The following TEX9 variants were observed in gnomAD, a reference collection of about 807,000 sequenced individuals.
TEX9 encodes testis-expressed protein 9.
Under a neutral mutation model 59.6 loss-of-function variants are expected in TEX9, and 74 were observed. The observed-to-expected ratio is 1.24, with a 90% CI of 1.03 to 1.51. The LOEUF (loss-of-function observed/expected upper bound fraction) is 1.51, where lower values mean the gene tolerates loss of function less well. Among genes scored for constraint, TEX9 ranks in the 40% most tolerant of loss-of-function variants. The pLI is 0.00. For synonymous variants in TEX9, 186 were observed against 152.2 expected, an observed-to-expected ratio of 1.22 and a Z score of -1.64; for missense variants, 522 against 447.8, an observed-to-expected ratio of 1.17 and a Z score of -1.49.
At chr15:56,254,025 G>A (rs1217410637) in intron 1 of TEX9, among the ~76,000 whole-genome samples, 7 of 152,138 alleles carry the variant, frequency 4.6e-5, no homozygotes, top group African/African-American at 1.7e-4. Flanking sequence ...ATTTAATGGT[G>A]TTTTGAAAGA....
At chr15:56,416,704 C>G (rs2049703483) in intron 10 of TEX9, among the ~76,000 whole-genome samples, 1 of 151,808 alleles carries the variant, frequency 6.6e-6, no homozygotes, top group African/African-American at 2.4e-5. Flanking sequence ...GTTTTGGTAT[C>G]AAGATGATGC....
intron 2 of TEX9, among the ~76,000 whole-genome samples, chr15:56,369,587 G>A (rs1358797665): frequency 5.9e-5 from 9 of 151,886 alleles, no homozygotes; most frequent in Non-Finnish European, 8.8e-5. Context: ...CACCTTCCTC[G>A]GCTTCCCAAA....
chr15:56,332,731 CA>C (rs565382882), intron 1 of TEX9, among the ~76,000 whole-genome samples: 65 of 149,326 alleles, frequency 4.4e-4, no homozygotes, highest in African/African-American at 1.5e-3. Context: ...ATCAAAAAAA[CA>C]AAAAATTGGT....
chr15:56,459,779 T>C, the TEX9 span, among the ~76,000 whole-genome samples: 2 of 150,876 alleles, frequency 1.3e-5, no homozygotes, highest in African/African-American at 4.9e-5. Flanking sequence ...TCATCTTAGG[T>C]TGGGAGTTGG....
At chr15:56,281,417 T>C (rs565380678) in intron 1 of TEX9, among the ~76,000 whole-genome samples, 1 of 152,238 alleles carries the variant, frequency 6.6e-6, no homozygotes, top group Non-Finnish European at 1.5e-5. Context: ...TCAGCCATGA[T>C]ATTAGATTCT....
chr15:56,383,237 G>T (rs2047813677), intron 3 of TEX9, among the ~76,000 whole-genome samples: 1 of 152,208 alleles, frequency 6.6e-6, no homozygotes, highest in Non-Finnish European at 1.5e-5. Context: ...TAAGTGCACA[G>T]ACTCTTCAGG....
Position 56,444,165 on chromosome 15 carries a change from A to C in TEX9, c.*30-1506A>C, listed in dbSNP as rs552461282. On this transcript the variant is annotated intron_variant, in intron 12 of 12. Coordinates refer to ENST00000352903, the Ensembl canonical transcript of TEX9. Reference sequence around the variant, plus strand: ...CTGTCTACCAAAAAAATTTATCAGAATACCTGTCCTCTGACATATGATATG... The same window carrying C: ...CTGTCTACCAAAAAAATTTATCAGACTACCTGTCCTCTGACATATGATATG... 2.0e-5 allele frequency among the ~76,000 whole-genome samples: 3 copies of C among 152,208 alleles called. No homozygotes were observed. In the East Asian group the frequency reaches 5.8e-4, roughly 29 times the overall value.
chr15:56,269,205 C>G (rs1307707575), intron 1 of TEX9, among the ~76,000 whole-genome samples: 2 of 151,942 alleles, frequency 1.3e-5, no homozygotes, highest in East Asian at 3.9e-4. Context: ...CTATTTGATT[C>G]TTCTCTCTTT....
At chr15:56,306,833 A>G (rs2045496027) in intron 1 of TEX9, among the ~76,000 whole-genome samples, 1 of 152,204 alleles carries the variant, frequency 6.6e-6, no homozygotes, top group African/African-American at 2.4e-5. Context: ...TATGCATTGC[A>G]TGCTTGTATC....
At chr15:56,342,208 C>T (rs1228983008) in intron 1 of TEX9, among the ~76,000 whole-genome samples, 2 of 152,064 alleles carry the variant, frequency 1.3e-5, no homozygotes, top group East Asian at 1.9e-4. Context: ...CTATGCCAGG[C>T]GCTCTCCTAA....
rs1373870900 is a variant in TEX9 at position 56,365,570 on chromosome 15, CT to C, written c.28-5del. 1 of 1,614,092 alleles carries C rather than the reference CT, an allele frequency of 6.2e-7. No individual in the cohort carries two copies. The highest frequency in any genetic ancestry group is 1.7e-5 in the Admixed American group (1 of 60,008). The stretch of plus-strand genomic sequence containing the variant: ...ACTTCGGGTCTGAAAGTCTGTGGCT[CT>C]TTTACAGAGAAGCAGCGTTCCAGGG... On this transcript the variant is annotated splice_polypyrimidine_tract_variant and splice_region_variant and intron_variant, in intron 1 of 12. Coordinates refer to ENST00000352903, the Ensembl canonical transcript of TEX9.
At chr15:56,391,217 A>ATATG in intron 6 of TEX9, 26 bp from the exon 7 acceptor site, 1 of 1,473,520 alleles carries the variant, frequency 6.8e-7, no homozygotes, top group Non-Finnish European at 9.1e-7. Context: ...ATATACATAC[A>ATATG]TATGTATTTA....
At chr15:56,305,210 G>A (rs1329644993) in intron 1 of TEX9, among the ~76,000 whole-genome samples, 2 of 151,908 alleles carry the variant, frequency 1.3e-5, no homozygotes, top group Non-Finnish European at 2.9e-5. Context: ...TATCCAAAAC[G>A]ATTTACAGAT....
At chr15:56,267,196 T>A (rs1393637859) in intron 1 of TEX9, among the ~76,000 whole-genome samples, 2 of 152,242 alleles carry the variant, frequency 1.3e-5, no homozygotes, top group African/African-American at 4.8e-5. Context: ...CCTGTAAATT[T>A]GTTTAAGTTC....
chr15:56,267,599 T>G (rs2044417804), intron 1 of TEX9, among the ~76,000 whole-genome samples: 1 of 152,158 alleles, frequency 6.6e-6, no homozygotes. Flanking sequence ...TTTCCCCATT[T>G]CTTGTTTTTG....
the TEX9 span, among the ~76,000 whole-genome samples, chr15:56,460,009 A>AAAAAAAAAATATATATAT: frequency 1.3e-3 from 33 of 26,384 alleles, 6 homozygotes; most frequent in East Asian, 3.4e-3. Flanking sequence ...AAAAAAAAAA[A>AAAAAAAAAATATATATAT]ATACATATAT....
At chr15:56,244,438 T>C (rs147818140) in intron 1 of TEX9, among the ~76,000 whole-genome samples, 477 of 152,118 alleles carry the variant, frequency 3.1e-3, no homozygotes, top group Middle Eastern at 0.01. Flanking sequence ...CTGGCCCCAC[T>C]TTAACTATCC....
exon 9 of TEX9, chr15:56,394,717 G>A: frequency 1.9e-6 from 3 of 1,610,566 alleles, no homozygotes; most frequent in Non-Finnish European, 2.5e-6. Flanking sequence ...AAGATTTTAT[G>A]AGACAGCAGC....
chr15:56,429,099 T>C (rs1207056761), intron 12 of TEX9: 2 of 1,572,948 alleles, frequency 1.3e-6, no homozygotes, highest in African/African-American at 1.4e-5. Flanking sequence ...ATTTTGATGA[T>C]ATCATTTCTC....
Sources: gnomAD v4.1 joint callset for allele counts (sites outside exome capture counted in the v4.1 genomes callset) on GRCh38, gnomAD v4.1.1 for gene constraint, MANE v1.5 for transcripts, NCBI Gene and HGNC (gene_info 2026-07-23, HGNC 2026-07-21) for gene names.